The following ZNF831 variants were observed in gnomAD, a reference collection of about 807,000 sequenced individuals.
ZNF831 encodes the protein chromosome 20 open reading frame 174.
A neutral mutation model predicts 95.8 loss-of-function variants in ZNF831; 59 were observed. The ratio of observed to expected loss-of-function variants is 0.62; its 90% CI spans 0.50 to 0.77. The LOEUF is 0.77. Among genes scored for constraint, ZNF831 ranks in the 30% least tolerant of loss-of-function variants. The pLI is 0.00. For missense variants in ZNF831, 2,205 were observed against 2,164.0 expected (o/e 1.02, Z -0.38); for synonymous variants, 961 against 925.5 (o/e 1.04, Z -0.70).
At chr20:59,234,704 A>G (rs933385477) in intron 4 of ZNF831, among the ~76,000 whole-genome samples, 7 of 152,172 alleles carry the variant, frequency 4.6e-5, no homozygotes, top group African/African-American at 1.7e-4. Context: ...TCCCTTCCCC[A>G]AGAGAAAGGA....
intron 3 of ZNF831, among the ~76,000 whole-genome samples, chr20:59,205,707 A>G (rs546397475): frequency 1.3e-5 from 2 of 152,318 alleles, no homozygotes; most frequent in South Asian, 2.1e-4. Context: ...GAAATATTGT[A>G]AACTGAGGCT....
At chr20:59,157,440 T>C (rs775817531) in intron 2 of ZNF831, among the ~76,000 whole-genome samples, 19 of 152,148 alleles carry the variant, frequency 1.2e-4, no homozygotes, top group Non-Finnish European at 2.5e-4. Flanking sequence ...GCGAATTGGG[T>C]GGCTTATCAT....
Position 59,192,273 on chromosome 20 carries a change from G to T in ZNF831, c.1254G>T (p.Val418=). The change falls in exon 2 of 6, where the codon GTG becomes GTT. Residue 418 remains valine, a synonymous_variant. Coordinates refer to ENST00000371030, the MANE Select transcript of ZNF831 (RefSeq NM_178457.3). The surrounding 1 kb of genome is among the most constrained non-coding windows in gnomAD (Gnocchi z 5.2). Reference sequence around the variant, plus strand: ...AGCTCATCTCCCACAACCAGGCGGTGGTGGACGATGCCCAGCTGGACAACG... The same window carrying T: ...AGCTCATCTCCCACAACCAGGCGGTTGTGGACGATGCCCAGCTGGACAACG... ...IAQLISHNQA[V]VDDAQLDNVR... is the part of the protein sequence containing the mutation. The T allele has an allele frequency of 6.3e-7, 1 of 1,590,624 alleles. No individual in the cohort carries two copies. The highest frequency in any genetic ancestry group is 8.6e-7 in the Non-Finnish European group (1 of 1,168,414).
chr20:59,226,170 C>G (rs1465787), intron 4 of ZNF831, among the ~76,000 whole-genome samples: 14,875 of 152,154 alleles, frequency 0.098, 999 homozygotes, highest in East Asian at 0.32. Flanking sequence ...AGTCACCCAG[C>G]TTATATTGAG....
intron 3 of ZNF831, among the ~76,000 whole-genome samples, chr20:59,197,469 C>T (rs545642996): frequency 3.3e-5 from 5 of 152,284 alleles, no homozygotes; most frequent in East Asian, 1.9e-4. Flanking sequence ...GCCAGCTAGT[C>T]GCTTGTCTTG....
chr20:59,222,728 C>T (rs961200747), intron 4 of ZNF831, among the ~76,000 whole-genome samples: 1 of 152,206 alleles, frequency 6.6e-6, no homozygotes, highest in Non-Finnish European at 1.5e-5. Flanking sequence ...GCTCCCTCCT[C>T]GCTCCGCGGC....
chr20:59,189,050 G>A (rs758608861), intron 1 of ZNF831, among the ~76,000 whole-genome samples: 4 of 151,844 alleles, frequency 2.6e-5, no homozygotes, highest in Admixed American at 2.0e-4. Flanking sequence ...GCATGGTGGC[G>A]CACACCTGTA....
At chr20:59,239,156 CT>C (rs1987167919) in intron 4 of ZNF831, among the ~76,000 whole-genome samples, 2 of 152,150 alleles carry the variant, frequency 1.3e-5, no homozygotes, top group Admixed American at 1.3e-4. Context: ...TTTTCTTCCC[CT>C]TTCTCCACAT....
chr20:59,170,625 A>G (rs1981653047), intron 1 of ZNF831, among the ~76,000 whole-genome samples: 1 of 152,214 alleles, frequency 6.6e-6, no homozygotes, highest in South Asian at 2.1e-4. Context: ...AAATGAGAGA[A>G]GCTGATGATA....
chr20:59,193,631 A>AGAG lies in ZNF831; in HGVS notation c.2613_2615dup (p.Glu871_Ser872insArg). 1 of 1,612,546 alleles carries AGAG rather than the reference A, an allele frequency of 6.2e-7. No homozygotes were observed. The highest frequency in any genetic ancestry group is 8.5e-7 in the Non-Finnish European group (1 of 1,179,584). ...GGGGAGGTGCCAGGGGGCTCAAAGG[A>AGAG]GAGTGCCAGGCAGGTGGGCGAGCCT... On this transcript the variant is annotated inframe_insertion, in exon 2 of 6. Coordinates refer to ENST00000371030, the MANE Select transcript of ZNF831 (RefSeq NM_178457.3).
At chr20:59,233,055 G>T (rs1986820185) in intron 4 of ZNF831, among the ~76,000 whole-genome samples, 1 of 150,516 alleles carries the variant, frequency 6.6e-6, no homozygotes, top group Non-Finnish European at 1.5e-5. Flanking sequence ...TAGAGAGAGA[G>T]AGACAGACAG....
Position 59,193,309 on chromosome 20 carries a change from G to A in ZNF831, c.2290G>A (p.Ala764Thr), listed in dbSNP as rs1983774339. ...GGAACTGGGGTGGCAGATGCCCCCA[G>A]CACCTGGCCCCCTCAAAGGGGGTGA... is the stretch of plus-strand genomic sequence containing the variant. ...RLELGWQMPPAPGPLKGGDVE... is the reference protein window; with the variant it reads ...RLELGWQMPPTPGPLKGGDVE... Residue 764 changes from alanine (A) to threonine (T), a missense_variant, in exon 2 of 6, where the codon GCA becomes ACA. Coordinates refer to ENST00000371030, the MANE Select transcript of ZNF831 (RefSeq NM_178457.3). The A allele has an allele frequency of 6.2e-7, 1 of 1,612,216 alleles. No homozygotes were observed. The highest frequency in any genetic ancestry group is 8.5e-7 in the Non-Finnish European group (1 of 1,179,194).
At chr20:59,201,933 G>C (rs1035363129) in intron 3 of ZNF831, among the ~76,000 whole-genome samples, 1 of 152,184 alleles carries the variant, frequency 6.6e-6, no homozygotes, top group African/African-American at 2.4e-5. Context: ...AGCGGAAAAA[G>C]TATAGTCTTT....
At chr20:59,163,797 T>C (rs1005828365), upstream of ZNF831, among the ~76,000 whole-genome samples, 1 of 151,328 alleles carries the variant, frequency 6.6e-6, no homozygotes, top group Non-Finnish European at 1.5e-5. Context: ...GTATAGGAAA[T>C]AATTTACTTC....
rs534265963 is a variant in ZNF831, at chr20:59,170,939, G to A, written c.-37+6732G>A. Among the ~76,000 whole-genome samples the A allele has an allele frequency of 2.1e-4, 32 of 152,324 alleles. No individual in the cohort carries two copies. The South Asian group carries it at 6.6e-3, about 32-fold the overall frequency. On this transcript the variant is annotated intron_variant, in intron 1 of 5. Transcript: ENST00000371030. ...AACCAGAGACGTGGGTGTGTTATGG[G>A]AGTCTGGCACTAGTGGGACAGAAGT...
chr20:59,210,965 G>T (rs1045271976), intron 4 of ZNF831, among the ~76,000 whole-genome samples: 10 of 83,926 alleles, frequency 1.2e-4, no homozygotes, highest in Non-Finnish European at 2.3e-4. Flanking sequence ...CCCGGGAGGC[G>T]GAGCTTGCAG....
intron 1 of ZNF831, among the ~76,000 whole-genome samples, chr20:59,189,387 G>A (rs1472279627): frequency 6.6e-6 from 1 of 152,102 alleles, no homozygotes; most frequent in Non-Finnish European, 1.5e-5. Flanking sequence ...TTTAATTAGG[G>A]CTGTGTTTCA....
chr20:59,202,344 A>T (rs1409109724), intron 3 of ZNF831, among the ~76,000 whole-genome samples: 3 of 148,124 alleles, frequency 2.0e-5, no homozygotes, highest in African/African-American at 5.0e-5. Flanking sequence ...TTTTTTAAAA[A>T]AAAAAACACA....
intron 1 of ZNF831, among the ~76,000 whole-genome samples, chr20:59,173,013 G>A (rs747826947): frequency 3.3e-5 from 5 of 152,156 alleles, no homozygotes; most frequent in Non-Finnish European, 5.9e-5. Context: ...GTTGTGGTGG[G>A]TTCTGAGAAG....
Sources: allele counts gnomAD v4.1 joint callset (sites outside exome capture counted in the v4.1 genomes callset), GRCh38; gene constraint gnomAD v4.1.1; non-coding constraint Gnocchi (gnomAD v3.1); transcripts MANE v1.5; gene names NCBI Gene and HGNC (gene_info 2026-07-23, HGNC 2026-07-21).